AZIN2: variants seen among roughly 807,000 people sequenced by gnomAD.
AZIN2 encodes antizyme inhibitor 2.
Under a neutral mutation model 47.8 loss-of-function variants are expected in AZIN2, and 28 were observed. The observed-to-expected ratio is 0.59, with a 90% confidence interval of 0.43 to 0.80. AZIN2 has a LOEUF of 0.80. Among genes scored for constraint, AZIN2 ranks in the 30% least tolerant of loss-of-function variants. The pLI, the probability that AZIN2 is intolerant of heterozygous loss-of-function variation, is 0.00. For missense variants in AZIN2, 535 were observed against 582.5 expected (o/e 0.92, Z 0.84); for synonymous variants, 221 against 239.4 (o/e 0.92, Z 0.71).
At chr1:33,146,951 A>C in the AZIN2 span, 1 of 579,202 alleles carries the variant, frequency 1.7e-6, no homozygotes, top group Non-Finnish European at 3.1e-6. Flanking sequence ...CCTTGGATCA[A>C]AGCTGTATCC....
the AZIN2 span, among the ~76,000 whole-genome samples, chr1:33,131,663 C>A: frequency 1.3e-5 from 2 of 151,776 alleles, no homozygotes; most frequent in African/African-American, 4.8e-5. Context: ...TAATTTCACA[C>A]ATTTCTTTTT....
At chr1:33,093,197 G>A (rs1642763746) in intron 6 of AZIN2, 85 bp from the exon 7 acceptor site, 1 of 1,570,348 alleles carries the variant, frequency 6.4e-7, no homozygotes, top group Non-Finnish European at 8.7e-7. Context: ...TCTGAGCCAT[G>A]TAGCTCACAG....
intron 10 of AZIN2, among the ~76,000 whole-genome samples, chr1:33,116,762 C>T (rs767089342): frequency 2.0e-5 from 3 of 152,120 alleles, no homozygotes; most frequent in Non-Finnish European, 4.4e-5. Context: ...TCCCTGAAGC[C>T]ATTTTAGCTG....
chr1:33,139,233 G>A, the AZIN2 span, among the ~76,000 whole-genome samples: 1 of 152,028 alleles, frequency 6.6e-6, no homozygotes, highest in African/African-American at 2.4e-5. Context: ...TCGCTCTGGG[G>A]GCTCAGCATC....
intron 8 of AZIN2, among the ~76,000 whole-genome samples, chr1:33,096,135 G>T (rs1297985217): frequency 6.6e-6 from 1 of 152,130 alleles, no homozygotes; most frequent in Non-Finnish European, 1.5e-5. Context: ...ACCATGCCTG[G>T]CCAGAAATAA....
At chr1:33,133,927 A>G in the AZIN2 span, among the ~76,000 whole-genome samples, 11 of 152,328 alleles carry the variant, frequency 7.2e-5, no homozygotes, top group South Asian at 2.3e-3. Flanking sequence ...TAATACCACC[A>G]GATGCTTTAC....
At chr1:33,131,797 A>T in the AZIN2 span, among the ~76,000 whole-genome samples, 1 of 152,192 alleles carries the variant, frequency 6.6e-6, no homozygotes, top group Non-Finnish European at 1.5e-5. Flanking sequence ...CATTATATTT[A>T]TGTTGGACCT....
intron 7 of AZIN2, among the ~76,000 whole-genome samples, chr1:33,094,021 C>T (rs773379044): frequency 1.1e-4 from 16 of 152,188 alleles, no homozygotes; most frequent in Non-Finnish European, 1.5e-5. Flanking sequence ...GTGTGAGCCA[C>T]TGCACCCAGC....
chr1:33,125,374 A>G (rs984938786), downstream of AZIN2, among the ~76,000 whole-genome samples: 1 of 152,224 alleles, frequency 6.6e-6, no homozygotes, highest in Non-Finnish European at 1.5e-5. Context: ...TGCCAAAAAA[A>G]GCTAAATTGC....
intron 5 of AZIN2, among the ~76,000 whole-genome samples, chr1:33,085,478 G>T (rs1175077110): frequency 6.6e-6 from 1 of 152,138 alleles, no homozygotes; most frequent in East Asian, 1.9e-4. Context: ...AGGCCCTGAG[G>T]TGGGAGCAAG....
At chr1:33,127,601 G>T (rs1644866430), downstream of AZIN2, among the ~76,000 whole-genome samples, 1 of 152,240 alleles carries the variant, frequency 6.6e-6, no homozygotes, top group East Asian at 1.9e-4. Flanking sequence ...AACACCGGAA[G>T]TGGGCTTATT....
downstream of AZIN2, among the ~76,000 whole-genome samples, chr1:33,126,933 G>A (rs937766498): frequency 3.9e-5 from 6 of 152,102 alleles, no homozygotes; most frequent in Non-Finnish European, 7.4e-5. Context: ...CATTTTATTT[G>A]CTAAATATGG....
At chr1:33,105,479 G>A (rs1327111761) in intron 10 of AZIN2, among the ~76,000 whole-genome samples, 1 of 152,176 alleles carries the variant, frequency 6.6e-6, no homozygotes, top group African/African-American at 2.4e-5. Flanking sequence ...TGCATGGATA[G>A]GGAGGCCTCA....
At chr1:33,110,031 A>G (rs11799429) in intron 10 of AZIN2, among the ~76,000 whole-genome samples, 2,901 of 152,326 alleles carry the variant, frequency 0.019, 77 homozygotes, top group East Asian at 0.08. Flanking sequence ...ATGCCCTTAC[A>G]TAGAGCTGAG....
At chr1:33,091,878 A>G (rs1642588949) in intron 5 of AZIN2, among the ~76,000 whole-genome samples, 172 bp from the exon 6 acceptor site, 1 of 152,234 alleles carries the variant, frequency 6.6e-6, no homozygotes, top group African/African-American at 2.4e-5. Flanking sequence ...TTATCAAAGA[A>G]TGGTGAATCC....
the AZIN2 span, chr1:33,147,291 G>C: frequency 1.2e-6 from 2 of 1,614,186 alleles, no homozygotes; most frequent in Non-Finnish European, 1.7e-6. This position sits in a 1 kb window ranked among gnomAD's most constrained non-coding sequence, Gnocchi z 8.1. Flanking sequence ...GGAAGGTGTA[G>C]AGCCAGGACA....
At chr1:33,105,965 T>C (rs1459393820) in intron 10 of AZIN2, among the ~76,000 whole-genome samples, 2 of 152,196 alleles carry the variant, frequency 1.3e-5, no homozygotes, top group Admixed American at 6.5e-5. Context: ...TCTAGTTTGT[T>C]ATGCTTTCAA....
At chr1:33,131,399 G>C in the AZIN2 span, among the ~76,000 whole-genome samples, 2 of 152,206 alleles carry the variant, frequency 1.3e-5, no homozygotes, top group Non-Finnish European at 2.9e-5. Flanking sequence ...AGGGCTCTGA[G>C]GGTCTAAATC....
chr1:33,147,860 A>G, the AZIN2 span: 1 of 996,188 alleles, frequency 1.0e-6, no homozygotes, highest in South Asian at 1.7e-5. The surrounding 1 kb of genome is among the most constrained non-coding windows in gnomAD (Gnocchi z 8.1). Flanking sequence ...CTTGAATACA[A>G]GTCTGCCCTC....
Sources: gnomAD v4.1 joint callset for allele counts (sites outside exome capture counted in the v4.1 genomes callset) on GRCh38, gnomAD v4.1.1 for gene constraint, Gnocchi (gnomAD v3.1) non-coding constraint, MANE v1.5 for transcripts, NCBI Gene and HGNC (gene_info 2026-07-23, HGNC 2026-07-21) for gene names.